The following CCDC198 variants were observed in gnomAD, a reference collection of about 807,000 sequenced individuals.
CCDC198 encodes factor associated with metabolism and energy.
Under a neutral mutation model 35.6 loss-of-function variants are expected in CCDC198, and 18 were observed. The ratio of observed to expected loss-of-function variants is 0.51; its 90% CI spans 0.35 to 0.75. CCDC198 has a LOEUF of 0.75. CCDC198 is among the 30% of genes least tolerant of loss of function. The pLI is 0.01. For missense variants in CCDC198, 365 were observed against 343.7 expected, an observed-to-expected ratio of 1.06 and a Z score of -0.49; for synonymous variants, 119 against 113.4, an observed-to-expected ratio of 1.05 and a Z score of -0.31.
rs939981536 is a variant in CCDC198 at position 57,475,154 on chromosome 14, G to A, written c.656-3564C>T. 1.4e-4 allele frequency among the ~76,000 whole-genome samples: 22 copies of A among 151,896 alleles called. No individual in the cohort carries two copies. In the South Asian group the frequency reaches 1.5e-3, roughly 10 times the overall value. On this transcript the variant is annotated intron_variant, in intron 5 of 5. Transcript: ENST00000216445. ...CGGGCGCCTGTAGTCCCAGCTACTC[G>A]GGAGGCTGAGGCAGGAGAGTGGCGT...
intron 2 of CCDC198, among the ~76,000 whole-genome samples, chr14:57,488,473 G>T (rs2067445370): frequency 6.6e-6 from 1 of 152,084 alleles, no homozygotes; most frequent in African/African-American, 2.4e-5. Context: ...CTCCAGCAGG[G>T]ATGATGGGTC....
At chr14:57,484,246 T>C (rs921725950) in intron 2 of CCDC198, among the ~76,000 whole-genome samples, 1 of 152,052 alleles carries the variant, frequency 6.6e-6, no homozygotes, top group African/African-American at 2.4e-5. Context: ...CATGCTGGAG[T>C]AGGGCAAGCC....
chr14:57,483,492 G>A (rs768747117), intron 2 of CCDC198, among the ~76,000 whole-genome samples: 8 of 152,118 alleles, frequency 5.3e-5, no homozygotes, highest in African/African-American at 1.4e-4. Flanking sequence ...TAAAAGAGGC[G>A]CTAGGAATTT....
chr14:57,476,765 G>A (rs1226680573), intron 5 of CCDC198, among the ~76,000 whole-genome samples: 1 of 152,154 alleles, frequency 6.6e-6, no homozygotes, highest in Non-Finnish European at 1.5e-5. Flanking sequence ...GAACCTTAAT[G>A]ACCAGACCCT....
chr14:57,483,186 T>C, intron 2 of CCDC198, 35 bp from the exon 3 acceptor site: 1 of 1,613,876 alleles, frequency 6.2e-7, no homozygotes. Flanking sequence ...TCAGCATTCC[T>C]CATGCCATGA....
intron 1 of CCDC198, 93 bp from the exon 2 acceptor site, chr14:57,491,164 A>G: frequency 7.8e-7 from 1 of 1,288,512 alleles, no homozygotes; most frequent in Non-Finnish European, 1.1e-6. Context: ...TGTCAACACA[A>G]TTTTGTACCT....
At chr14:57,484,779 A>G (rs547495364) in intron 2 of CCDC198, among the ~76,000 whole-genome samples, 2 of 152,348 alleles carry the variant, frequency 1.3e-5, no homozygotes, top group East Asian at 3.9e-4. Flanking sequence ...CTTAAGAGCA[A>G]TGAGAAGACA....
At chr14:57,492,981 C>T (rs1566596599) in intron 1 of CCDC198, among the ~76,000 whole-genome samples, 2 of 152,058 alleles carry the variant, frequency 1.3e-5, no homozygotes. Flanking sequence ...AAAAGGGTGA[C>T]TCATCCACTC....
At chr14:57,489,517 C>T (rs1351309275) in intron 2 of CCDC198, among the ~76,000 whole-genome samples, 1 of 152,038 alleles carries the variant, frequency 6.6e-6, no homozygotes, top group Non-Finnish European at 1.5e-5. Flanking sequence ...ACCTGTACCC[C>T]TGAACTTAAA....
intron 5 of CCDC198, chr14:57,478,717 A>G: frequency 9.8e-7 from 1 of 1,025,484 alleles, no homozygotes; most frequent in Non-Finnish European, 1.2e-6. Flanking sequence ...TGTTTATGTG[A>G]CTACAAAGGA....
intron 2 of CCDC198, among the ~76,000 whole-genome samples, chr14:57,488,602 G>T (rs1349073941): frequency 6.6e-6 from 1 of 152,064 alleles, no homozygotes; most frequent in Non-Finnish European, 1.5e-5. Flanking sequence ...CTACAGAATG[G>T]GAGAAAATTT....
rs993131070 is a variant in CCDC198 at position 57,471,456 on chromosome 14, C to G, written c.790G>C (p.Asp264His). 6.2e-7 allele frequency: 1 copy of G among 1,613,988 alleles called. No individual in the cohort carries two copies. The highest frequency in any genetic ancestry group is 8.5e-7 in the Non-Finnish European group (1 of 1,179,960). Residue 264 changes from aspartate (D) to histidine (H), a missense_variant, in exon 6 of 6, where the codon GAC becomes CAC. Physicochemically the swap from Asp to His is moderately conservative, Grantham distance 81 (BLOSUM62 -1). Coordinates refer to ENST00000216445, the MANE Select transcript of CCDC198 (RefSeq NM_018168.4). The stretch of plus-strand genomic sequence containing the variant: ...TCATCTTTCCCCTGCTCATCTGAGT[C>G]AGAGCTGGAACTGTCCCAGAGAAGC... ...GQLLWDSSSS[D>H]SDEQGKDEKK...
chr14:57,482,940 A>G (rs560223769), intron 3 of CCDC198, 125 bp downstream of exon 3: 3 of 1,314,566 alleles, frequency 2.3e-6, no homozygotes, highest in Middle Eastern at 5.3e-4. Context: ...ATGACTTAAC[A>G]GTTTGATTTG....
At chr14:57,486,111 G>T (rs1420733798) in intron 2 of CCDC198, among the ~76,000 whole-genome samples, 1 of 152,198 alleles carries the variant, frequency 6.6e-6, no homozygotes, top group Non-Finnish European at 1.5e-5. Flanking sequence ...ATGGGAGGAA[G>T]AATCAGGAAT....
chr14:57,482,321 C>G (rs2139512546), intron 3 of CCDC198, among the ~76,000 whole-genome samples: 1 of 152,220 alleles, frequency 6.6e-6, no homozygotes, highest in East Asian at 1.9e-4. Flanking sequence ...TTGACAATAC[C>G]TTTTGTGTTG....
chr14:57,479,153 G>A, intron 5 of CCDC198: 2 of 677,854 alleles, frequency 3.0e-6, no homozygotes, highest in Non-Finnish European at 4.5e-6. Flanking sequence ...AATTTGGCCT[G>A]GCTGAAATGT....
At chr14:57,490,150 C>T (rs929031803) in intron 2 of CCDC198, among the ~76,000 whole-genome samples, 4 of 152,088 alleles carry the variant, frequency 2.6e-5, no homozygotes. Context: ...GTCCAGGCAT[C>T]TGGGTGAATT....
At chr14:57,474,711 TA>T (rs2066916627) in intron 5 of CCDC198, among the ~76,000 whole-genome samples, 1 of 152,162 alleles carries the variant, frequency 6.6e-6, no homozygotes. Flanking sequence ...TTATAGACTT[TA>T]AAAAATAAAA....
intron 2 of CCDC198, among the ~76,000 whole-genome samples, chr14:57,484,963 T>G (rs1041863043): frequency 2.0e-5 from 3 of 152,146 alleles, no homozygotes; most frequent in Non-Finnish European, 4.4e-5. Context: ...TCTACAAATG[T>G]TTAAAGCTGA....
Sources: allele counts gnomAD v4.1 joint callset (sites outside exome capture counted in the v4.1 genomes callset), GRCh38; gene constraint gnomAD v4.1.1; transcripts MANE v1.5; gene names NCBI Gene and HGNC (gene_info 2026-07-23, HGNC 2026-07-21).